Variants in CSGALNACT1 observed in about 807,000 individuals in gnomAD.
CSGALNACT1 encodes chondroitin sulfate N-acetylgalactosaminyltransferase 1, also known as beta4GalNAcT-1.
In CSGALNACT1, 52 loss-of-function variants were observed where a neutral mutation model predicts 51.0. The observed-to-expected ratio is 1.02, with a 90% CI of 0.82 to 1.29. The LOEUF is 1.29. Ranked by LOEUF, CSGALNACT1 falls within the 50% of genes most tolerant of loss-of-function variation. CSGALNACT1 has a pLI of 0.00. For missense variants in CSGALNACT1, 935 were observed against 679.2 expected (o/e 1.38, Z -4.19); for synonymous variants, 341 against 254.4 (o/e 1.34, Z -3.24).
rs571906683 is a variant in CSGALNACT1 at position 19,747,677 on chromosome 8, T to G, written c.-297+10173A>C. On this transcript the variant is annotated intron_variant, in intron 1 of 1. Transcript: ENST00000517494. ...TTCACAGTCCACAAATTTCATTGCTTTGCATTTGATTAAATTCCTACTTTA... is the reference window on the plus strand; with the variant it reads ...TTCACAGTCCACAAATTTCATTGCTGTGCATTTGATTAAATTCCTACTTTA... Among the ~76,000 whole-genome samples, 20 of 152,300 alleles carry G rather than the reference T, an allele frequency of 1.3e-4. No individual in the cohort carries two copies. The East Asian group carries it at 3.9e-3, about 29-fold the overall frequency.
chr8:19,458,944 C>G (rs1453051168), intron 4 of CSGALNACT1, among the ~76,000 whole-genome samples: 2 of 151,926 alleles, frequency 1.3e-5, no homozygotes. Context: ...AGGAAACAGG[C>G]CAAAATAAGA....
rs1173388680 is a variant in CSGALNACT1 at position 19,730,187 on chromosome 8, A to G, written c.-297+27663T>C. 2.0e-5 allele frequency among the ~76,000 whole-genome samples: 3 copies of G among 152,194 alleles called. 1 individual carries two copies. On this transcript the variant is annotated intron_variant, in intron 1 of 1. Transcript: ENST00000517494. ...TTGAGAAATGCAAAGTCAAAATCAC[A>G]TTAAAAGCCATCACACTCCCTTCTT...
chr8:19,707,931 G>T (rs1429375914), intron 1 of CSGALNACT1, among the ~76,000 whole-genome samples: 1 of 152,204 alleles, frequency 6.6e-6, no homozygotes, highest in African/African-American at 2.4e-5. Context: ...AACCCAAGGA[G>T]GGGGAGGCAG....
chr8:19,636,620 C>A (rs2056100453), intron 1 of CSGALNACT1, among the ~76,000 whole-genome samples: 1 of 152,172 alleles, frequency 6.6e-6, no homozygotes, highest in South Asian at 2.1e-4. Context: ...CCTGTCTTTC[C>A]AAAATCGATG....
upstream of CSGALNACT1, chr8:19,682,823 C>G (rs908921781): frequency 3.2e-5 from 14 of 440,420 alleles, no homozygotes; most frequent in Admixed American, 2.4e-4. Flanking sequence ...ATAACACTAT[C>G]CTGTTCTGCA....
intron 1 of CSGALNACT1, among the ~76,000 whole-genome samples, chr8:19,629,453 T>G (rs1206822216): frequency 6.6e-6 from 1 of 152,208 alleles, no homozygotes; most frequent in Non-Finnish European, 1.5e-5. Context: ...TCCCATTTCA[T>G]AGATATGGAA....
intron 3 of CSGALNACT1, among the ~76,000 whole-genome samples, chr8:19,587,071 C>G (rs973429555): frequency 1.3e-5 from 2 of 152,158 alleles, no homozygotes; most frequent in African/African-American, 2.4e-5. Context: ...GAGTTATTGG[C>G]CTTAGGGCTT....
chr8:19,625,518 G>A (rs2054336064), intron 1 of CSGALNACT1, among the ~76,000 whole-genome samples: 1 of 152,122 alleles, frequency 6.6e-6, no homozygotes, highest in Non-Finnish European at 1.5e-5. Flanking sequence ...GTGGCCCACA[G>A]CTCACTTCTA....
intron 6 of CSGALNACT1, among the ~76,000 whole-genome samples, chr8:19,431,608 A>G (rs1323354831): frequency 6.6e-6 from 1 of 151,996 alleles, no homozygotes; most frequent in African/African-American, 2.4e-5. Flanking sequence ...TCATAGGGAT[A>G]CTGATCTATA....
chr8:19,555,007 A>AG lies in CSGALNACT1; in HGVS notation c.-297+36152dup, dbSNP rs1332510174. Reference sequence around the variant, plus strand: ...GTAATCCCAGCATTTAGGGACGCCGAGCGGGGGTGAATCACGTGGTCAGGA... The same window carrying AG: ...GTAATCCCAGCATTTAGGGACGCCGAGGCGGGGGTGAATCACGTGGTCAGGA... On this transcript the variant is annotated intron_variant, in intron 3 of 9. Coordinates refer to ENST00000454498, the Ensembl canonical transcript of CSGALNACT1. 9.7e-3 allele frequency among the ~76,000 whole-genome samples: 1,466 copies of AG among 151,850 alleles called. 22 individuals carry two copies. Among genetic ancestry groups the AG allele is most frequent in the African/African-American group, 0.034 (1,393 of 41,370 alleles).
At chr8:19,700,713 T>G (rs561297405) in intron 1 of CSGALNACT1, among the ~76,000 whole-genome samples, 4 of 152,190 alleles carry the variant, frequency 2.6e-5, no homozygotes, top group Non-Finnish European at 4.4e-5. Context: ...AATCTTAACA[T>G]ATGCTAAAAA....
At chr8:19,706,710 G>A (rs2062188592) in intron 1 of CSGALNACT1, among the ~76,000 whole-genome samples, 1 of 152,070 alleles carries the variant, frequency 6.6e-6, no homozygotes, top group Non-Finnish European at 1.5e-5. Flanking sequence ...TCAGGTGTGG[G>A]CACTCCCGGC....
At chr8:19,519,923 C>T (rs919227376) in intron 3 of CSGALNACT1, among the ~76,000 whole-genome samples, 1 of 152,210 alleles carries the variant, frequency 6.6e-6, no homozygotes, top group Non-Finnish European at 1.5e-5. Flanking sequence ...AGCACAGTCC[C>T]CAAGGAAGGA....
At chr8:19,632,505 C>CCG (rs1240944022) in intron 1 of CSGALNACT1, among the ~76,000 whole-genome samples, 1 of 152,230 alleles carries the variant, frequency 6.6e-6, no homozygotes, top group African/African-American at 2.4e-5. Context: ...ATAAGCATAA[C>CCG]ATTTGGAATA....
At chr8:19,404,661 G>A (rs1363189477) in exon 10 of CSGALNACT1, 1 of 452,478 alleles carries the variant, frequency 2.2e-6, no homozygotes, top group Non-Finnish European at 4.4e-6. Context: ...CCAGAAGCCA[G>A]GAGGAGCACC....
chr8:19,405,464 G>T, exon 10 of CSGALNACT1: 1 of 525,966 alleles, frequency 1.9e-6, no homozygotes. Context: ...ATATTTCAAT[G>T]AGCACACAAA....
intron 3 of CSGALNACT1, among the ~76,000 whole-genome samples, chr8:19,530,179 C>A (rs1341354770): frequency 6.6e-6 from 1 of 152,082 alleles, no homozygotes; most frequent in African/African-American, 2.4e-5. Flanking sequence ...CAAGATCACG[C>A]CACTGCACTC....
chr8:19,653,245 T>G (rs2057977772), intron 1 of CSGALNACT1, among the ~76,000 whole-genome samples: 1 of 152,126 alleles, frequency 6.6e-6, no homozygotes. Flanking sequence ...CCTTGTAGCT[T>G]TCTCAGTTCT....
At chr8:19,513,279 C>A (rs940380619) in intron 3 of CSGALNACT1, among the ~76,000 whole-genome samples, 1 of 151,578 alleles carries the variant, frequency 6.6e-6, no homozygotes, top group Non-Finnish European at 1.5e-5. Context: ...AAGAGGACAG[C>A]AAAGGTCTTA....
Sources: allele counts gnomAD v4.1 joint callset (sites outside exome capture counted in the v4.1 genomes callset), GRCh38; gene constraint gnomAD v4.1.1; transcripts MANE v1.5; gene names NCBI Gene and HGNC (gene_info 2026-07-23, HGNC 2026-07-21).